GOLGA4: variants seen among roughly 807,000 people sequenced by gnomAD.
GOLGA4 encodes golgin subfamily A member 4.
In GOLGA4, 169 loss-of-function variants were observed where a neutral mutation model predicts 265.9. The observed-to-expected ratio is 0.64, with a 90% CI of 0.56 to 0.72. The LOEUF (loss-of-function observed/expected upper bound fraction) is 0.72. Ranked by LOEUF, GOLGA4 falls within the 30% of genes least tolerant of loss-of-function variation. The probability of loss-of-function intolerance (pLI) is 0.00; values close to 1 mark genes in which losing one functional copy is unlikely to be tolerated. For missense variants in GOLGA4, 2,482 were observed against 2,483.4 expected (o/e 1.00, Z 0.01); for synonymous variants, 923 against 855.8 (o/e 1.08, Z -1.37).
chr3:37,302,742 T>C (rs899392851), intron 10 of GOLGA4: 2 of 161,018 alleles, frequency 1.2e-5, no homozygotes, highest in African/African-American at 4.8e-5. Flanking sequence ...TATTAAATAA[T>C]TGCTACCTTA....
chr3:37,326,941 A>G lies in GOLGA4; in HGVS notation c.5055A>G (p.Glu1685=). Residue 1685 remains glutamate (E), a synonymous_variant, in exon 14 of 24, where the codon GAA becomes GAG. Coordinates refer to ENST00000361924, the MANE Select transcript of GOLGA4 (RefSeq NM_002078.5). ...TAAATACAAAATTGCAGGAAAGAGA[A>G]AGGGAAGTTCACATCTTGGAAGAAA... ...SELNTKLQER[E]REVHILEEKL... is the part of the protein sequence containing the mutation. 6.2e-7 allele frequency: 1 copy of G among 1,613,956 alleles called. No homozygotes were observed. Among genetic ancestry groups the G allele is most frequent in the Non-Finnish European group, 8.5e-7 (1 of 1,179,838 alleles).
At chr3:37,257,576 A>G (rs2096752330) in intron 2 of GOLGA4, among the ~76,000 whole-genome samples, 1 of 151,922 alleles carries the variant, frequency 6.6e-6, no homozygotes, top group Non-Finnish European at 1.5e-5. Flanking sequence ...CAGGCTTGGA[A>G]GAGGGGAGGG....
At chr3:37,295,647 T>C (rs2096876235) in intron 6 of GOLGA4, among the ~76,000 whole-genome samples, 1 of 152,242 alleles carries the variant, frequency 6.6e-6, no homozygotes, top group Non-Finnish European at 1.5e-5. Flanking sequence ...TCCCCCACTT[T>C]AGTAAGAAGA....
chr3:37,248,200 C>G (rs927381535), intron 1 of GOLGA4, among the ~76,000 whole-genome samples: 7 of 152,144 alleles, frequency 4.6e-5, no homozygotes, highest in African/African-American at 1.7e-4. Context: ...GTCTTGAACT[C>G]CTGGCCTCAA....
chr3:37,316,049 C>T (rs1425331453), intron 11 of GOLGA4, among the ~76,000 whole-genome samples: 2 of 152,098 alleles, frequency 1.3e-5, no homozygotes, highest in Non-Finnish European at 2.9e-5. Context: ...ATAGATAGAC[C>T]TCACTTTAAA....
At position 37,355,060 on chromosome 3, in the gene GOLGA4, C is replaced by A. The variant is rs373904102; in HGVS notation, c.6577-41C>A. The A allele has an allele frequency of 8.9e-6, 10 of 1,123,012 alleles. No homozygotes were observed. In the African/African-American group the frequency reaches 1.4e-4, roughly 15 times the overall value. The allele number at this position is 1,123,012 out of a possible 1,614,324, so 69.6% of individuals were successfully genotyped here. A position where few individuals can be genotyped will look rare whatever the true frequency, so the allele number is the denominator to read the frequency against. On this transcript the variant is annotated intron_variant, in intron 21 of 23. Coordinates refer to ENST00000361924, the MANE Select transcript of GOLGA4 (RefSeq NM_002078.5). ...TCAGAATGGGTTGAGACTTTATATG[C>A]TTCACTGTCTGTTAGTGATCATCTC...
Position 37,328,971 on chromosome 3 carries a change from CAGGAGGTG to C in GOLGA4, c.6071_6078del (p.Gln2024ArgfsTer3). 6.2e-7 allele frequency: 1 copy of C among 1,600,168 alleles called. No individual in the cohort carries two copies. Among genetic ancestry groups the C allele is most frequent in the Non-Finnish European group, 8.5e-7 (1 of 1,175,030 alleles). ...TCATTTTTATTTATTAGATAAGGCC[CAGGAGGTG>C]GAGGCTGAACTTTTAGAAAGCCATC... is the stretch of plus-strand genomic sequence containing the variant. On this transcript the variant is annotated frameshift_variant, in exon 16 of 24. Transcript: ENST00000361924. LOFTEE classifies it high-confidence loss of function.
intron 18 of GOLGA4, 29 bp from the exon 19 acceptor site, chr3:37,337,637 A>G (rs753131852): frequency 1.3e-6 from 2 of 1,492,506 alleles, no homozygotes; most frequent in Admixed American, 1.7e-5. Flanking sequence ...ACCTATGTGC[A>G]TTTCAGATCT....
chr3:37,337,185 T>TC, intron 18 of GOLGA4, 22 bp downstream of exon 18: 1 of 1,191,400 alleles, frequency 8.4e-7, no homozygotes, highest in Admixed American at 2.1e-5. Context: ...TCTTCTTTTT[T>TC]TTTTTTTCTT....
intron 10 of GOLGA4, among the ~76,000 whole-genome samples, chr3:37,312,763 A>G (rs534681529): frequency 9.9e-5 from 15 of 152,186 alleles, no homozygotes; most frequent in East Asian, 5.8e-4. Context: ...GGCTCAGGCA[A>G]TCCTCCCACC....
intron 2 of GOLGA4, chr3:37,276,131 A>G (rs2096817650): frequency 6.2e-7 from 1 of 1,608,918 alleles, no homozygotes; most frequent in South Asian, 1.1e-5. Context: ...GTGTAGGGAG[A>G]TGCTTGCTGC....
At chr3:37,256,518 A>C (rs1403384314) in intron 2 of GOLGA4, among the ~76,000 whole-genome samples, 2 of 152,100 alleles carry the variant, frequency 1.3e-5, no homozygotes, top group African/African-American at 4.8e-5. Flanking sequence ...ATAAACATTG[A>C]AGGCAGAGGA....
intron 2 of GOLGA4, chr3:37,273,474 A>C: frequency 1.2e-6 from 1 of 867,994 alleles, no homozygotes; most frequent in Non-Finnish European, 1.8e-6. Flanking sequence ...CTTTATTCTT[A>C]ACAGTTTTAA....
At chr3:37,364,472 C>A (rs1019749047) in intron 23 of GOLGA4, among the ~76,000 whole-genome samples, 31 of 151,994 alleles carry the variant, frequency 2.0e-4, no homozygotes, top group Non-Finnish European at 3.5e-4. Context: ...GAACTCCTGA[C>A]CTCAGGTGAT....
chr3:37,279,948 T>G lies in GOLGA4; in HGVS notation c.163-2010T>G, dbSNP rs534826817. On this transcript the variant is annotated intron_variant, in intron 2 of 23. Transcript: ENST00000361924. ...TTAAAAAGCCATCCTGCAGAATGCC[T>G]CCTCCTTCCTAGTGGATCCATTTCC... Among the ~76,000 whole-genome samples, 230 of 151,730 alleles carry G rather than the reference T, an allele frequency of 1.5e-3. 1 individual carries two copies. The highest frequency in any genetic ancestry group is 3.7e-3 in the African/African-American group (153 of 41,398).
At chr3:37,288,883 A>G (rs531892007) in intron 4 of GOLGA4, among the ~76,000 whole-genome samples, 26 of 152,360 alleles carry the variant, frequency 1.7e-4, no homozygotes, top group Non-Finnish European at 3.1e-4. Flanking sequence ...TTTCAATGAA[A>G]TAAACTGCAG....
intron 19 of GOLGA4, among the ~76,000 whole-genome samples, chr3:37,339,484 A>G (rs570813015): frequency 1.3e-5 from 2 of 152,332 alleles, no homozygotes; most frequent in African/African-American, 4.8e-5. Flanking sequence ...AAACTTTTCT[A>G]CAGTGGCTGT....
At chr3:37,348,109 T>A (rs941529122) in intron 21 of GOLGA4, among the ~76,000 whole-genome samples, 1 of 152,114 alleles carries the variant, frequency 6.6e-6, no homozygotes, top group African/African-American at 2.4e-5. Context: ...AATGTATGGG[T>A]GTGTGGGAGT....
At chr3:37,352,494 A>G (rs2151060049) in intron 21 of GOLGA4, among the ~76,000 whole-genome samples, 1 of 152,162 alleles carries the variant, frequency 6.6e-6, no homozygotes, top group East Asian at 1.9e-4. Flanking sequence ...ACTACAATTC[A>G]AGATGAGATT....
Sources: gnomAD v4.1 joint callset for allele counts (sites outside exome capture counted in the v4.1 genomes callset) on GRCh38, gnomAD v4.1.1 for gene constraint, MANE v1.5 for transcripts, NCBI Gene and HGNC (gene_info 2026-07-23, HGNC 2026-07-21) for gene names.